TBX15: variants seen among roughly 807,000 people sequenced by gnomAD.
TBX15 encodes T-box transcription factor 15.
A neutral mutation model predicts 53.9 loss-of-function variants in TBX15; 18 were observed. That is an observed-to-expected ratio of 0.33 (90% CI 0.23 to 0.49). The LOEUF is 0.49. Ranked by LOEUF, TBX15 falls within the 20% of genes least tolerant of loss-of-function variation. TBX15 has a pLI of 0.98. For synonymous variants in TBX15, 295 were observed against 278.0 expected (o/e 1.06, Z -0.61); for missense variants, 692 against 749.5 (o/e 0.92, Z 0.90).
At chr1:118,932,293 T>G (rs1035655232) in intron 1 of TBX15, among the ~76,000 whole-genome samples, 2 of 152,220 alleles carry the variant, frequency 1.3e-5, no homozygotes, top group Non-Finnish European at 2.9e-5. Context: ...TCCATACCAC[T>G]CAGCATCACT....
intron 6 of TBX15, among the ~76,000 whole-genome samples, chr1:118,900,827 G>A (rs1654605140): frequency 6.6e-6 from 1 of 152,130 alleles, no homozygotes; most frequent in African/African-American, 2.4e-5. Context: ...CCAGGCTTAG[G>A]TCTTACTGCT....
chr1:118,930,788 C>A (rs1655756853), intron 2 of TBX15, among the ~76,000 whole-genome samples: 2 of 152,232 alleles, frequency 1.3e-5, no homozygotes, highest in Non-Finnish European at 2.9e-5. Context: ...CTTCACAGTT[C>A]AGAGTTGAGA....
intron 1 of TBX15, among the ~76,000 whole-genome samples, chr1:118,964,041 A>T (rs1412140044): frequency 6.6e-6 from 1 of 152,168 alleles, no homozygotes; most frequent in East Asian, 1.9e-4. Context: ...CATTTAAGCC[A>T]CCCCAGCTGA....
intron 1 of TBX15, among the ~76,000 whole-genome samples, chr1:118,985,647 C>G (rs942001954): frequency 1.3e-5 from 2 of 152,248 alleles, no homozygotes; most frequent in African/African-American, 4.8e-5. Context: ...GCTTCTTCCT[C>G]CTAGACACTT....
intron 7 of TBX15, among the ~76,000 whole-genome samples, chr1:118,893,448 AGAAG>A (rs1303599260): frequency 5.8e-5 from 8 of 137,572 alleles, no homozygotes; most frequent in East Asian, 2.2e-4. Context: ...AAGGAAGGAA[AGAAG>A]GAAGGAAGGA....
At chr1:118,968,031 C>T (rs1418086397) in intron 1 of TBX15, among the ~76,000 whole-genome samples, 2 of 152,176 alleles carry the variant, frequency 1.3e-5, no homozygotes, top group Admixed American at 6.5e-5. Context: ...TCAGTTATGA[C>T]ATTTGTTTGT....
At chr1:118,893,098 G>A (rs762496233) in intron 7 of TBX15, among the ~76,000 whole-genome samples, 1 of 151,754 alleles carries the variant, frequency 6.6e-6, no homozygotes. Context: ...AATTAGCCAG[G>A]CATGGTGGTG....
At chr1:118,911,720 T>C (rs1403195814) in intron 6 of TBX15, among the ~76,000 whole-genome samples, 2 of 152,220 alleles carry the variant, frequency 1.3e-5, no homozygotes, top group African/African-American at 4.8e-5. Context: ...TACTCAGTCA[T>C]GTTCCTGGGC....
Position 118,914,141 on chromosome 1 carries a change from T to C in TBX15, c.900A>G (p.Lys300=). 6.2e-7 allele frequency: 1 copy of C among 1,613,856 alleles called. No homozygotes were observed. Among genetic ancestry groups the C allele is most frequent in the Non-Finnish European group, 8.5e-7 (1 of 1,179,820 alleles). Residue 300 remains lysine, a synonymous_variant, in exon 6 of 8, where the codon AAA becomes AAG. Coordinates refer to ENST00000369429, the MANE Select transcript of TBX15 (RefSeq NM_001330677.2). ...TGTTTCTCCCAGAATCTCTGAATCC[T>C]TTAGCAAAAGGGTTTCGGTCAATTT... ...RLKIDRNPFA[K]GFRDSGRNRT... is the part of the protein sequence containing the mutation.
chr1:118,972,019 G>T (rs1361305920), intron 1 of TBX15, among the ~76,000 whole-genome samples: 1 of 152,206 alleles, frequency 6.6e-6, no homozygotes. Context: ...GATAATGATG[G>T]CCAAAGGGGG....
intron 4 of TBX15, 73 bp downstream of exon 4, chr1:118,924,572 AG>A (rs1655531774): frequency 7.6e-6 from 12 of 1,579,180 alleles, no homozygotes; most frequent in Non-Finnish European, 1.0e-5. Context: ...TATTTGAAAA[AG>A]ACTGGGGCTA....
intron 6 of TBX15, among the ~76,000 whole-genome samples, chr1:118,900,207 C>A (rs1654576452): frequency 6.6e-6 from 1 of 152,042 alleles, no homozygotes; most frequent in Admixed American, 6.6e-5. Flanking sequence ...GAGCAGATGG[C>A]ATAAATCTTT....
At chr1:118,988,866 ACAAACAAG>A (rs993144891), upstream of TBX15, among the ~76,000 whole-genome samples, 6 of 152,240 alleles carry the variant, frequency 3.9e-5, no homozygotes, top group Admixed American at 3.9e-4. Flanking sequence ...AAGGAAACAA[ACAAACAAG>A]CAAACAGAAA....
intron 5 of TBX15, among the ~76,000 whole-genome samples, chr1:118,916,894 A>G (rs1429469377): frequency 6.6e-6 from 1 of 152,038 alleles, no homozygotes; most frequent in Non-Finnish European, 1.5e-5. Flanking sequence ...AAAAAATAAA[A>G]ATAAATAAAT....
chr1:118,895,768 C>T (rs1402233775), intron 7 of TBX15, among the ~76,000 whole-genome samples: 2 of 152,222 alleles, frequency 1.3e-5, no homozygotes, highest in East Asian at 1.9e-4. Context: ...AAAAATTGAC[C>T]TATTGAGAGT....
chr1:118,907,244 G>A (rs1275779274), intron 6 of TBX15, among the ~76,000 whole-genome samples: 1 of 152,184 alleles, frequency 6.6e-6, no homozygotes, highest in African/African-American at 2.4e-5. Flanking sequence ...TGGAGGCTAG[G>A]AGTAAGGGTA....
intron 7 of TBX15, 133 bp from the exon 8 acceptor site, chr1:118,885,649 C>T: frequency 3.7e-6 from 4 of 1,090,824 alleles, no homozygotes; most frequent in African/African-American, 1.6e-5. Flanking sequence ...CATTTTTCCT[C>T]TTAACTCAGC....
At chr1:118,965,508 GA>G in intron 1 of TBX15, among the ~76,000 whole-genome samples, 1 of 152,284 alleles carries the variant, frequency 6.6e-6, no homozygotes, top group Non-Finnish European at 1.5e-5. Context: ...AACCTTTCGG[GA>G]GGGTAATCTG....
At chr1:118,973,647 G>A (rs141917312) in intron 1 of TBX15, among the ~76,000 whole-genome samples, 2 of 152,192 alleles carry the variant, frequency 1.3e-5, no homozygotes, top group East Asian at 3.9e-4. Flanking sequence ...AAAGAAGAAT[G>A]TAGTCAAGCC....
Sources: allele counts gnomAD v4.1 joint callset (sites outside exome capture counted in the v4.1 genomes callset), GRCh38; gene constraint gnomAD v4.1.1; transcripts MANE v1.5; gene names NCBI Gene and HGNC (gene_info 2026-07-23, HGNC 2026-07-21).